The following ACSF2 variants were observed in gnomAD, a reference collection of about 807,000 sequenced individuals.
ACSF2 encodes acyl-CoA synthetase family member 2, also known as medium-chain acyl-CoA ligase ACSF2, mitochondrial.
In ACSF2, 52 loss-of-function variants were observed where a neutral mutation model predicts 79.3. That is an observed-to-expected ratio of 0.66 (90% confidence interval 0.53 to 0.83). The LOEUF (loss-of-function observed/expected upper bound fraction) is 0.83, where lower values mean the gene tolerates loss of function less well. Among genes scored for constraint, ACSF2 ranks in the 40% least tolerant of loss-of-function variants. The probability of loss-of-function intolerance (pLI) is 0.00; values close to 1 mark genes in which losing one functional copy is unlikely to be tolerated. For synonymous variants in ACSF2, 283 were observed against 312.6 expected, an observed-to-expected ratio of 0.91 and a Z score of 1.00; for missense variants, 661 against 803.3, an observed-to-expected ratio of 0.82 and a Z score of 2.14.
chr17:50,474,403 G>T lies in ACSF2; in HGVS notation c.1798-99G>T. The T allele has an allele frequency of 6.6e-7, 1 of 1,514,848 alleles. No homozygotes were observed. Among genetic ancestry groups the T allele is most frequent in the South Asian group, 1.1e-5 (1 of 88,536 alleles). The allele number at this position is 1,514,848 out of a possible 1,614,324, so 93.8% of individuals were successfully genotyped here. A position where few individuals can be genotyped will look rare whatever the true frequency, so the allele number is the denominator to read the frequency against. On this transcript the variant is annotated intron_variant, in intron 15 of 15. Transcript: ENST00000300441. This position sits in a 1 kb window ranked among gnomAD's most constrained non-coding sequence, Gnocchi z 4.2. The stretch of plus-strand genomic sequence containing the variant: ...CGGGTCACCTAATCCTGGTTTGCCT[G>T]GGGACTTTCCCTGTTTTGGCACTAA...
intron 12 of ACSF2, chr17:50,473,198 C>T (rs2033196875): frequency 6.2e-6 from 1 of 160,890 alleles, no homozygotes; most frequent in Non-Finnish European, 1.4e-5. Flanking sequence ...ATGGAGGTTG[C>T]AGTGAACCGA....
At chr17:50,468,496 C>T (rs1854779300) in intron 10 of ACSF2, 1 of 1,614,120 alleles carries the variant, frequency 6.2e-7, no homozygotes, top group East Asian at 2.2e-5. Context: ...CGTTATGGGA[C>T]AGGTACAAGT....
At chr17:50,472,802 GA>G in intron 12 of ACSF2, 1 of 453,536 alleles carries the variant, frequency 2.2e-6, no homozygotes, top group Non-Finnish European at 3.8e-6. Context: ...TGCAAAATCT[GA>G]GTCCAGATTC....
At chr17:50,467,909 T>G (rs941738446) in intron 10 of ACSF2, 2 of 876,976 alleles carry the variant, frequency 2.3e-6, no homozygotes, top group African/African-American at 3.4e-5. Flanking sequence ...GTGGCAGAGC[T>G]GCTCACCTTG....
Position 50,474,099 on chromosome 17 carries a change from G to A in ACSF2, c.1728+95G>A. 6.3e-7 allele frequency: 1 copy of A among 1,585,886 alleles called. No homozygotes were observed. The highest frequency in any genetic ancestry group is 8.6e-7 in the Non-Finnish European group (1 of 1,158,634). ...CCAGGGTGGGGATTGCTCTGCCCTTGACGAAGCTGACTCCTGGCCAGGCCA... is the reference window on the plus strand; with the variant it reads ...CCAGGGTGGGGATTGCTCTGCCCTTAACGAAGCTGACTCCTGGCCAGGCCA... On this transcript the variant is annotated intron_variant, in intron 14 of 15. Transcript: ENST00000300441. This position sits in a 1 kb window ranked among gnomAD's most constrained non-coding sequence, Gnocchi z 4.2.
At chr17:50,466,146 G>A (rs567081484) in intron 10 of ACSF2, among the ~76,000 whole-genome samples, 43 of 149,310 alleles carry the variant, frequency 2.9e-4, no homozygotes, top group African/African-American at 1.1e-3. Flanking sequence ...GAGCACAGTG[G>A]CACGATCTCA....
intron 10 of ACSF2, among the ~76,000 whole-genome samples, chr17:50,470,434 C>T (rs1410413192): frequency 2.0e-5 from 3 of 151,996 alleles, no homozygotes; most frequent in Non-Finnish European, 4.4e-5. Flanking sequence ...AAAATCACTG[C>T]TTAGGTTGTT....
At chr17:50,468,520 G>A (rs1272096658) in intron 10 of ACSF2, 2 of 1,614,256 alleles carry the variant, frequency 1.2e-6, no homozygotes, top group Non-Finnish European at 8.5e-7. Flanking sequence ...TAAGTTGCTT[G>A]AGGCCGCGGA....
At chr17:50,440,413 C>A (rs770388747) in intron 1 of ACSF2, among the ~76,000 whole-genome samples, 1 of 152,198 alleles carries the variant, frequency 6.6e-6, no homozygotes, top group Non-Finnish European at 1.5e-5. Flanking sequence ...AAACCTCTGG[C>A]CCAGGTTCCA....
rs758959616 is a variant in ACSF2, at chr17:50,471,028, G to A, written c.1216G>A (p.Val406Ile). 3.1e-6 allele frequency: 5 copies of A among 1,613,696 alleles called. No individual in the cohort carries two copies. The highest frequency in any genetic ancestry group is 2.2e-5 in the South Asian group (2 of 91,056). ...INKINMKDLV[V>I]AYGTTENSPV... is the part of the protein sequence containing the mutation. ...CAAACACCCTTTCTGGACCCTCTAG[G>A]TTGCTTATGGAACCACAGAGAACAG... The change falls in exon 11 of 16, where the codon GTT becomes ATT. Residue 406 changes from valine to isoleucine, a missense_variant and splice_region_variant. By Grantham distance (29) the Val-to-Ile change is conservative. Coordinates refer to ENST00000300441, the MANE Select transcript of ACSF2 (RefSeq NM_025149.6). This position sits in a 1 kb window ranked among gnomAD's most constrained non-coding sequence, Gnocchi z 4.1.
At position 50,471,657 on chromosome 17, in the gene ACSF2, C is replaced by T. The variant is rs2033125844; in HGVS notation, c.1323+522C>T. The T allele has an allele frequency of 6.0e-6, 1 of 165,660 alleles. No individual in the cohort carries two copies. 10.3% of individuals were successfully genotyped at this position (165,660 alleles called of 1,614,324 possible). ...AGCCATGCCTCCTTTCCTGCTCCAACACTGGGGCTGTGCCAGCTGGCTCCT... is the reference window on the plus strand; with the variant it reads ...AGCCATGCCTCCTTTCCTGCTCCAATACTGGGGCTGTGCCAGCTGGCTCCT... On this transcript the variant is annotated intron_variant, in intron 11 of 15. Coordinates refer to ENST00000300441, the MANE Select transcript of ACSF2 (RefSeq NM_025149.6). This position sits in a 1 kb window ranked among gnomAD's most constrained non-coding sequence, Gnocchi z 4.1.
rs1347613001 is a variant in ACSF2, at chr17:50,456,223, A to G, written c.129-4454A>G. Reference sequence around the variant, plus strand: ...TTAGGGGTTGCCTCACCCTTGGGAGATCCAAACCCCCAGGCTGACTTCCTG... The same window carrying G: ...TTAGGGGTTGCCTCACCCTTGGGAGGTCCAAACCCCCAGGCTGACTTCCTG... On this transcript the variant is annotated intron_variant, in intron 1 of 15. Coordinates refer to ENST00000300441, the MANE Select transcript of ACSF2 (RefSeq NM_025149.6). Among the ~76,000 whole-genome samples, 3 of 152,112 alleles carry G rather than the reference A, an allele frequency of 2.0e-5. No homozygotes were observed. In the South Asian group the frequency reaches 6.2e-4, roughly 32 times the overall value.
At position 50,469,013 on chromosome 17, in the gene ACSF2, C is replaced by T. The variant is rs2032955800; in HGVS notation, c.1216-2015C>T. ...CCCAGAGATGCGCCCCCGCCCTCCA[C>T]GGGGAAGGGGGCGGGGCCGTTCCCC... is the stretch of plus-strand genomic sequence containing the variant. On this transcript the variant is annotated intron_variant, in intron 10 of 15. Coordinates refer to ENST00000300441, the MANE Select transcript of ACSF2 (RefSeq NM_025149.6). The T allele has an allele frequency of 4.4e-6, 6 of 1,348,874 alleles. No individual in the cohort carries two copies. In the South Asian group the frequency reaches 9.7e-5, roughly 22 times the overall value. The allele number at this position is 1,348,874 out of a possible 1,614,324, so 83.6% of individuals were successfully genotyped here.
At chr17:50,461,038 G>C (rs533394305) in intron 2 of ACSF2, 166 bp downstream of exon 2, 1 of 1,104,974 alleles carries the variant, frequency 9.0e-7, no homozygotes, top group African/African-American at 1.6e-5. Context: ...CGCACAAGGG[G>C]TCCAATGCCT....
chr17:50,468,337 G>A (rs751120493), intron 10 of ACSF2: 2 of 1,614,208 alleles, frequency 1.2e-6, no homozygotes, highest in African/African-American at 1.3e-5. Context: ...GCAGCTCACG[G>A]ATCTTGTTGT....
intron 1 of ACSF2, among the ~76,000 whole-genome samples, chr17:50,436,738 C>CTTT (rs79314993): frequency 1.5e-5 from 2 of 132,334 alleles, no homozygotes; most frequent in Non-Finnish European, 3.3e-5. Context: ...CCAGGCAGTT[C>CTTT]TTTTTTTTTT....
At chr17:50,469,646 A>T (rs1041809853) in intron 10 of ACSF2, among the ~76,000 whole-genome samples, 3 of 152,176 alleles carry the variant, frequency 2.0e-5, no homozygotes, top group Admixed American at 2.0e-4. Flanking sequence ...GGCCACAAGC[A>T]CAGTCGCACC....
At chr17:50,444,046 A>G (rs1478334755) in intron 1 of ACSF2, among the ~76,000 whole-genome samples, 1 of 152,174 alleles carries the variant, frequency 6.6e-6, no homozygotes, top group Non-Finnish European at 1.5e-5. Flanking sequence ...GGAAATTTGA[A>G]ATTAAATATA....
At chr17:50,469,204 C>G (rs964326237) in intron 10 of ACSF2, 4 of 225,140 alleles carry the variant, frequency 1.8e-5, no homozygotes, top group African/African-American at 9.4e-5. Flanking sequence ...GAGTTTACAT[C>G]GGAGAGAGGG....
Sources: allele counts gnomAD v4.1 joint callset (sites outside exome capture counted in the v4.1 genomes callset), GRCh38; gene constraint gnomAD v4.1.1; non-coding constraint Gnocchi (gnomAD v3.1); transcripts MANE v1.5; gene names NCBI Gene and HGNC (gene_info 2026-07-23, HGNC 2026-07-21).